ANXA3: variants seen among roughly 807,000 people sequenced by gnomAD.
The protein encoded by ANXA3 is 35-alpha calcimedin.
In ANXA3, 46 loss-of-function variants were observed where a neutral mutation model predicts 48.8. The observed-to-expected ratio is 0.94, with a 90% confidence interval of 0.74 to 1.21. ANXA3 has a LOEUF of 1.21. ANXA3 is among the 50% of genes most tolerant of loss of function. The pLI is 0.00. For missense variants in ANXA3, 383 were observed against 378.6 expected (o/e 1.01, Z -0.10); for synonymous variants, 128 against 134.7 (o/e 0.95, Z 0.35).
intron 11 of ANXA3, 38 bp from the exon 12 acceptor site, chr4:78,604,239 A>G (rs1578405549): frequency 1.3e-6 from 2 of 1,562,700 alleles, no homozygotes; most frequent in East Asian, 2.3e-5. Flanking sequence ...TTTGTGACCA[A>G]TGACATTTGT....
At chr4:78,607,019 T>C (rs1723663472) in intron 12 of ANXA3, among the ~76,000 whole-genome samples, 1 of 152,202 alleles carries the variant, frequency 6.6e-6, no homozygotes, top group Non-Finnish European at 1.5e-5. Context: ...TTCTAAAGAT[T>C]GTCAGTAACA....
intron 12 of ANXA3, among the ~76,000 whole-genome samples, chr4:78,605,806 G>A (rs1015756963): frequency 9.9e-5 from 15 of 152,176 alleles, no homozygotes; most frequent in African/African-American, 3.4e-4. Flanking sequence ...AATTAATAGG[G>A]CAGTAAGCCT....
intron 2 of ANXA3, among the ~76,000 whole-genome samples, chr4:78,556,762 G>A (rs1722520623): frequency 6.6e-6 from 1 of 151,950 alleles, no homozygotes; most frequent in African/African-American, 2.4e-5. Flanking sequence ...CAAAATGCTG[G>A]TGTTAAAAAA....
rs180965538 is a variant in ANXA3 at position 78,601,600 on chromosome 4, C to T, written c.789+32C>T. The T allele has an allele frequency of 2.0e-4, 324 of 1,591,804 alleles. No homozygotes were observed. The East Asian group carries it at 5.5e-3, about 27-fold the overall frequency. ...CTGGAAAGTTCATGTGCATTCTTAGCGTCCCTTAATTCCCTTGGGAAAGTA... is the reference window on the plus strand; with the variant it reads ...CTGGAAAGTTCATGTGCATTCTTAGTGTCCCTTAATTCCCTTGGGAAAGTA... On this transcript the variant is annotated intron_variant, in intron 11 of 12. Coordinates refer to ENST00000264908, the MANE Select transcript of ANXA3 (RefSeq NM_005139.3).
intron 3 of ANXA3, among the ~76,000 whole-genome samples, chr4:78,577,111 ATTGTATTT>A (rs897244822): frequency 6.6e-6 from 1 of 152,218 alleles, no homozygotes; most frequent in African/African-American, 2.4e-5. Flanking sequence ...ACATGATCAG[ATTGTATTT>A]TTAAACATTT....
intron 2 of ANXA3, among the ~76,000 whole-genome samples, chr4:78,566,614 G>A (rs1722736955): frequency 6.7e-6 from 1 of 149,020 alleles, no homozygotes; most frequent in African/African-American, 2.5e-5. Context: ...CTAAACAATG[G>A]GTACACATTG....
intron 12 of ANXA3, among the ~76,000 whole-genome samples, chr4:78,607,305 G>A (rs1428836654): frequency 1.3e-5 from 2 of 152,162 alleles, no homozygotes; most frequent in Non-Finnish European, 2.9e-5. Flanking sequence ...GATCTTTTTA[G>A]ATGGTTGTTT....
chr4:78,595,823 G>C lies in ANXA3; in HGVS notation c.570G>C (p.Trp190Cys). The C allele has an allele frequency of 1.2e-6, 2 of 1,611,666 alleles. No homozygotes were observed. Among genetic ancestry groups the C allele is most frequent in the South Asian group, 1.1e-5 (1 of 91,008 alleles). Reference protein sequence around the residue: ...QILYKAGENRWGTDEDKFTEI... With the variant: ...QILYKAGENRCGTDEDKFTEI... Reference sequence around the variant, plus strand: ...TCTATAAAGCTGGTGAGAACAGATGGGGCACGGATGAAGACAAATTCACTG... The same window carrying C: ...TCTATAAAGCTGGTGAGAACAGATGCGGCACGGATGAAGACAAATTCACTG... Residue 190 changes from tryptophan (W) to cysteine (C), a missense_variant, in exon 9 of 13, where the codon TGG becomes TGC. Transcript: ENST00000264908.
intron 7 of ANXA3, among the ~76,000 whole-genome samples, chr4:78,593,113 C>CCCCACACACA (rs71661180): frequency 3.5e-5 from 5 of 144,030 alleles, no homozygotes; most frequent in Middle Eastern, 3.6e-3. Flanking sequence ...AACACACATA[C>CCCCACACACA]CACACACACA....
At chr4:78,569,877 ATC>A (rs1722808913) in intron 2 of ANXA3, among the ~76,000 whole-genome samples, 1 of 152,294 alleles carries the variant, frequency 6.6e-6, no homozygotes, top group East Asian at 1.9e-4. Flanking sequence ...TAAGCAAATA[ATC>A]TCTGTGAGAC....
At chr4:78,590,232 G>A (rs1226427563) in intron 6 of ANXA3, among the ~76,000 whole-genome samples, 2 of 152,134 alleles carry the variant, frequency 1.3e-5, no homozygotes, top group Non-Finnish European at 2.9e-5. Flanking sequence ...AAGGATAGAT[G>A]TAACAATATC....
chr4:78,577,179 G>A (rs573066300), intron 3 of ANXA3, among the ~76,000 whole-genome samples: 1 of 152,286 alleles, frequency 6.6e-6, no homozygotes, highest in South Asian at 2.1e-4. Context: ...ACATTAGGAG[G>A]TGATTTAGGT....
chr4:78,603,142 T>C (rs1281186197), intron 11 of ANXA3: 1 of 152,224 alleles, frequency 6.6e-6, no homozygotes, highest in Non-Finnish European at 1.5e-5. Flanking sequence ...ACTTAAGCAA[T>C]AGTTAATTTG....
At position 78,570,292 on chromosome 4, in the gene ANXA3, A is replaced by C. The variant is rs111361049; in HGVS notation, c.16-2888A>C. ...ATTTCCTCCTTCTCTAATTCTGTGC[A>C]TTGGCATTTTAGCATATTTTGATGT... On this transcript the variant is annotated intron_variant, in intron 2 of 12. Coordinates refer to ENST00000264908, the MANE Select transcript of ANXA3 (RefSeq NM_005139.3). Among the ~76,000 whole-genome samples, 141 of 152,310 alleles carry C rather than the reference A, an allele frequency of 9.3e-4. 1 individual carries two copies. Among genetic ancestry groups the C allele is most frequent in the African/African-American group, 3.2e-3 (134 of 41,554 alleles).
chr4:78,601,251 G>A (rs750356524), intron 10 of ANXA3, among the ~76,000 whole-genome samples: 14 of 152,150 alleles, frequency 9.2e-5, no homozygotes, highest in Non-Finnish European at 1.8e-4. Context: ...AGTCGCTGTG[G>A]GAGTTTCTTT....
chr4:78,579,158 C>A (rs752210769), intron 4 of ANXA3, 37 bp downstream of exon 4: 4 of 1,428,988 alleles, frequency 2.8e-6, no homozygotes, highest in Non-Finnish European at 3.9e-6. Context: ...GTAAAGAGAT[C>A]ATTAATGTAC....
intron 2 of ANXA3, among the ~76,000 whole-genome samples, chr4:78,557,760 A>G (rs768806524): frequency 1.7e-4 from 25 of 151,228 alleles, no homozygotes; most frequent in Admixed American, 1.6e-3. Flanking sequence ...TGAGTGGCTC[A>G]GAGAGCAAAC....
intron 2 of ANXA3, among the ~76,000 whole-genome samples, chr4:78,555,587 C>T (rs112566341): frequency 2.4e-3 from 361 of 151,952 alleles, no homozygotes; most frequent in Non-Finnish European, 3.8e-3. Flanking sequence ...ACCTATAATC[C>T]CAGCATTTTG....
intron 10 of ANXA3, among the ~76,000 whole-genome samples, chr4:78,597,802 T>C (rs777622474): frequency 2.6e-5 from 4 of 151,848 alleles, no homozygotes; most frequent in African/African-American, 4.8e-5. Flanking sequence ...TTTGTAGAGA[T>C]GGGGTTTCAC....
Sources: allele counts gnomAD v4.1 joint callset (sites outside exome capture counted in the v4.1 genomes callset), GRCh38; gene constraint gnomAD v4.1.1; transcripts MANE v1.5; gene names NCBI Gene and HGNC (gene_info 2026-07-23, HGNC 2026-07-21).